SMG7: variants seen among roughly 807,000 people sequenced by gnomAD.
SMG7 encodes the protein nonsense-mediated mRNA decay factor SMG7.
Under a neutral mutation model 148.2 loss-of-function variants are expected in SMG7, and 34 were observed. That is an observed-to-expected ratio of 0.23 (90% CI 0.17 to 0.31). The LOEUF (loss-of-function observed/expected upper bound fraction) is 0.31, where lower values mean the gene tolerates loss of function less well. SMG7 is among the 10% of genes least tolerant of loss of function. SMG7 has a pLI of 1.00. For synonymous variants in SMG7, 492 were observed against 515.1 expected, an observed-to-expected ratio of 0.96 and a Z score of 0.61; for missense variants, 1,114 against 1,408.4, an observed-to-expected ratio of 0.79 and a Z score of 3.35.
At chr1:183,506,048 C>A (rs1277789316) in intron 1 of SMG7, among the ~76,000 whole-genome samples, 1 of 152,178 alleles carries the variant, frequency 6.6e-6, no homozygotes, top group Non-Finnish European at 1.5e-5. Context: ...TGTCTGGATT[C>A]TTCAGCTTCA....
In SMG7 at chr1:183,552,545, G is replaced by C; in HGVS notation, c.*614G>C. The stretch of plus-strand genomic sequence containing the variant: ...GGGGAACCGACCTCTTCAGCCAGTG[G>C]AAATGTTCCATAAGGGAGAGTTCAA... On this transcript the variant is annotated 3_prime_UTR_variant, in exon 23 of 23. Coordinates refer to ENST00000688051, the MANE Select transcript of SMG7 (RefSeq NM_001375584.1). The C allele has an allele frequency of 1.0e-6, 1 of 1,003,674 alleles. No individual in the cohort carries two copies. The highest frequency in any genetic ancestry group is 1.7e-5 in the African/African-American group (1 of 57,716). The allele number at this position is 1,003,674 out of a possible 1,614,324, so 62.2% of individuals were successfully genotyped here. A position where few individuals can be genotyped will look rare whatever the true frequency, so the allele number is the denominator to read the frequency against.
chr1:183,494,598 TA>T lies in SMG7; in HGVS notation c.30-18228del, dbSNP rs61323461. On this transcript the variant is annotated intron_variant, in intron 1 of 22. Transcript: ENST00000688051. ...CAAATTTCCTCAGCTCTTATGTTTC[TA>T]AAAAAAAAAACGTATTTTTTTCACC... Among the ~76,000 whole-genome samples the T allele has an allele frequency of 1.1e-3, 151 of 143,584 alleles. 2 individuals carry two copies. In the East Asian group the frequency reaches 0.018, roughly 17 times the overall value. The allele number at this position is 143,584 out of a possible 152,430, so 94.2% of individuals were successfully genotyped here.
At position 183,549,894 on chromosome 1, in the gene SMG7, C is replaced by T. The variant is rs1328506494; in HGVS notation, c.3104C>T (p.Pro1035Leu). 2.5e-6 allele frequency: 4 copies of T among 1,613,828 alleles called. No individual in the cohort carries two copies. The highest frequency in any genetic ancestry group is 1.7e-6 in the Non-Finnish European group (2 of 1,179,786). Residue 1035 changes from proline to leucine, a missense_variant, in exon 20 of 23, where the codon CCG becomes CTG. Pro to Leu is a moderately conservative substitution (Grantham distance 98). Around this residue, in one of 4 missense-constraint regions of SMG7, gnomAD observed 788 missense variants for 894.5 expected, o/e 0.88. Coordinates refer to ENST00000688051, the MANE Select transcript of SMG7 (RefSeq NM_001375584.1). ...CTGTATTCCCTTTTTGAAGGGACTC[C>T]GTGGTCTCCATCACTTCCTGCCAGT... ...TSLYSLFEGTPWSPSLPASSD... is the reference protein window; with the variant it reads ...TSLYSLFEGTLWSPSLPASSD...
At chr1:183,490,657 T>G (rs1656721972) in intron 1 of SMG7, among the ~76,000 whole-genome samples, 2 of 152,252 alleles carry the variant, frequency 1.3e-5, no homozygotes, top group Non-Finnish European at 2.9e-5. Context: ...AAACATATAC[T>G]GTTTTAATCA....
intron 11 of SMG7, among the ~76,000 whole-genome samples, chr1:183,537,500 G>A (rs1422271209): frequency 6.6e-6 from 1 of 152,058 alleles, no homozygotes; most frequent in Non-Finnish European, 1.5e-5. Flanking sequence ...TTTAAAAAAA[G>A]CAATTAACAT....
chr1:183,479,790 G>A (rs926783224), intron 1 of SMG7, among the ~76,000 whole-genome samples: 6 of 152,160 alleles, frequency 3.9e-5, no homozygotes, highest in Non-Finnish European at 7.4e-5. Flanking sequence ...TATTCCAACA[G>A]AGGTGGAGAT....
Position 183,553,227 on chromosome 1 carries a change from G to T in SMG7, c.*1296G>T. ...ACTCTTTGTATGATATTTATTAGGA[G>T]GAAAGAGGACTGAAAATGTTCTTGT... On this transcript the variant is annotated 3_prime_UTR_variant, in exon 23 of 23. Transcript: ENST00000688051. 1 of 1,514,782 alleles carries T rather than the reference G, an allele frequency of 6.6e-7. No homozygotes were observed. The highest frequency in any genetic ancestry group is 1.4e-5 in the African/African-American group (1 of 72,562). 93.8% of individuals were successfully genotyped at this position (1,514,782 alleles called of 1,614,324 possible).
At chr1:183,523,977 T>A (rs192414367) in intron 4 of SMG7, among the ~76,000 whole-genome samples, 1,612 of 151,008 alleles carry the variant, frequency 0.011, 31 homozygotes, top group African/African-American at 0.037. Flanking sequence ...ATATATATAT[T>A]TTTTTTGTTC....
chr1:183,512,791 T>C lies in SMG7; in HGVS notation c.30-46T>C, dbSNP rs1019742312. 32 of 1,548,778 alleles carry C rather than the reference T, an allele frequency of 2.1e-5. 1 individual carries two copies. The Admixed American group carries it at 6.1e-4, about 30-fold the overall frequency. ...ATTTATATGTTAGTTAGGCCTCGTT[T>C]GTTTCTAACTGATACTCTTTTTTTT... On this transcript the variant is annotated intron_variant, in intron 1 of 22. Transcript: ENST00000688051.
At chr1:183,549,559 T>G (rs779547936) in intron 19 of SMG7, among the ~76,000 whole-genome samples, 9 of 152,186 alleles carry the variant, frequency 5.9e-5, no homozygotes, top group Non-Finnish European at 1.2e-4. Flanking sequence ...CTGGATAGTT[T>G]ACACAGAGCA....
At chr1:183,496,135 G>A (rs948889920) in intron 1 of SMG7, among the ~76,000 whole-genome samples, 1 of 152,032 alleles carries the variant, frequency 6.6e-6, no homozygotes, top group Non-Finnish European at 1.5e-5. Context: ...ATAATCTCAG[G>A]TTGTCATGAA....
At chr1:183,536,928 G>C (rs541120568) in intron 10 of SMG7, among the ~76,000 whole-genome samples, 1 of 152,100 alleles carries the variant, frequency 6.6e-6, no homozygotes, top group African/African-American at 2.4e-5. Flanking sequence ...AGTGGTAGTA[G>C]GTCTCTGTCA....
In SMG7 at chr1:183,552,952, GT is replaced by G. The variant is rs1671289352; in HGVS notation, c.*1022del. ...GCTAGTAATTGTTTTTATTCCTAAT[GT>G]GTGCAACATCACATCTCCCCAAGAA... On this transcript the variant is annotated 3_prime_UTR_variant, in exon 23 of 23. Transcript: ENST00000688051. 6.5e-7 allele frequency: 1 copy of G among 1,533,180 alleles called. No individual in the cohort carries two copies. Among genetic ancestry groups the G allele is most frequent in the Non-Finnish European group, 8.7e-7 (1 of 1,144,852 alleles). 95.0% of individuals were successfully genotyped at this position (1,533,180 alleles called of 1,614,324 possible).
chr1:183,533,671 T>TC lies in SMG7; in HGVS notation c.1007-4dup. 1 of 1,594,678 alleles carries TC rather than the reference T, an allele frequency of 6.3e-7. No homozygotes were observed. Among genetic ancestry groups the TC allele is most frequent in the Non-Finnish European group, 8.5e-7 (1 of 1,170,464 alleles). On this transcript the variant is annotated splice_region_variant and splice_polypyrimidine_tract_variant and intron_variant, in intron 9 of 22. Transcript: ENST00000688051. ...TATGCTTTTTGAATACATTTTTTTT[T>TC]CAAGTGTCTTTTCTTGGCATCCTGT...
intron 1 of SMG7, among the ~76,000 whole-genome samples, chr1:183,476,208 C>T (rs1035903928): frequency 6.6e-6 from 1 of 152,142 alleles, no homozygotes; most frequent in Non-Finnish European, 1.5e-5. Flanking sequence ...TTTATAGACA[C>T]TTCAGGGAGG....
Position 183,517,830 on chromosome 1 carries a change from G to A in SMG7, c.312+10G>A. The A allele has an allele frequency of 6.2e-7, 1 of 1,613,722 alleles. No homozygotes were observed. Among genetic ancestry groups the A allele is most frequent in the South Asian group, 1.1e-5 (1 of 91,060 alleles). On this transcript the variant is annotated intron_variant, in intron 4 of 22. Transcript: ENST00000688051. ...TGGCTTCTATACTCAGGTGAGTTCT[G>A]CATTGTATACCAGTTTTCTTACTAT...
intron 4 of SMG7, among the ~76,000 whole-genome samples, chr1:183,522,584 G>C (rs1558017625): frequency 6.6e-6 from 1 of 151,956 alleles, no homozygotes; most frequent in Non-Finnish European, 1.5e-5. Flanking sequence ...CAGATGACAA[G>C]TGACCATATA....
intron 12 of SMG7, among the ~76,000 whole-genome samples, 178 bp from the exon 13 acceptor site, chr1:183,540,806 T>G (rs1048223984): frequency 1.1e-4 from 17 of 152,262 alleles, no homozygotes; most frequent in Non-Finnish European, 2.2e-4. Context: ...CTGCTTTGTT[T>G]CATAGTTTGT....
At chr1:183,520,565 A>G (rs866556561) in intron 4 of SMG7, among the ~76,000 whole-genome samples, 60 of 152,062 alleles carry the variant, frequency 3.9e-4, no homozygotes, top group African/African-American at 1.4e-3. Context: ...ACATGACTAA[A>G]GTAGGGGGAG....
Sources: gnomAD v4.1 joint callset for allele counts (sites outside exome capture counted in the v4.1 genomes callset) on GRCh38, gnomAD v4.1.1 for gene constraint, gnomAD v4.1.1 regional missense constraint, MANE v1.5 for transcripts, NCBI Gene and HGNC (gene_info 2026-07-23, HGNC 2026-07-21) for gene names.